The following GRM8 variants were observed in gnomAD, a reference collection of about 807,000 sequenced individuals.
GRM8 encodes the protein metabotropic glutamate receptor 8.
GRM8 carries 47 observed loss-of-function variants against 87.2 expected under a neutral mutation model. That is an observed-to-expected ratio of 0.54 (90% CI 0.43 to 0.69). The LOEUF (loss-of-function observed/expected upper bound fraction) is 0.69, where lower values mean the gene tolerates loss of function less well. GRM8 is among the 30% of genes least tolerant of loss of function. GRM8 has a pLI of 0.00. For missense variants in GRM8, 1,019 were observed against 1,139.2 expected (o/e 0.89, Z 1.52); for synonymous variants, 396 against 404.5 (o/e 0.98, Z 0.25).
chr7:126,822,455 T>TCCTTCCTTC (rs1794380112), intron 6 of GRM8, among the ~76,000 whole-genome samples: 1 of 151,946 alleles, frequency 6.6e-6, no homozygotes, highest in African/African-American at 2.4e-5. Flanking sequence ...TTCCTTCCTT[T>TCCTTCCTTC]CCTTCCTTCC....
intron 3 of GRM8, among the ~76,000 whole-genome samples, chr7:127,012,642 G>A (rs1815011757): frequency 6.6e-6 from 1 of 152,032 alleles, no homozygotes; most frequent in African/African-American, 2.4e-5. Context: ...ATGGTCTTGG[G>A]TTGCTGGCTT....
chr7:127,106,369 G>A, intron 3 of GRM8, 127 bp downstream of exon 3: 1 of 706,518 alleles, frequency 1.4e-6, no homozygotes, highest in East Asian at 2.7e-5. Context: ...CCTCTAGAGT[G>A]GACAGCCTAG....
chr7:127,213,878 T>G (rs1442530004), intron 2 of GRM8, among the ~76,000 whole-genome samples: 1 of 152,204 alleles, frequency 6.6e-6, no homozygotes, highest in Non-Finnish European at 1.5e-5. Context: ...ACATGCATAC[T>G]CTGTCACCAG....
chr7:126,578,656 G>A (rs1244013357), intron 8 of GRM8, among the ~76,000 whole-genome samples: 1 of 152,126 alleles, frequency 6.6e-6, no homozygotes, highest in Admixed American at 6.5e-5. Context: ...AGGATGAGGG[G>A]CTCCAGTTAC....
At chr7:127,023,859 T>C (rs1200537371) in intron 3 of GRM8, among the ~76,000 whole-genome samples, 1 of 152,096 alleles carries the variant, frequency 6.6e-6, no homozygotes, top group South Asian at 2.1e-4. Flanking sequence ...GAACCCACTA[T>C]GTAACACAAA....
chr7:126,879,798 T>C (rs1247994700), intron 6 of GRM8, among the ~76,000 whole-genome samples: 4 of 152,224 alleles, frequency 2.6e-5, no homozygotes, highest in Admixed American at 2.0e-4. Flanking sequence ...GGGCGAGTAT[T>C]ATACTACCAT....
chr7:126,826,803 C>T lies in GRM8; in HGVS notation c.1157-56738G>A, dbSNP rs572959955. On this transcript the variant is annotated intron_variant, in intron 6 of 10. Coordinates refer to ENST00000339582, the MANE Select transcript of GRM8 (RefSeq NM_000845.3). ...TGAAGTCCTTGCCCATGCCTATGTCCTGAATGGTAATGCCTAGGTTTTCTT... is the reference window on the plus strand; with the variant it reads ...TGAAGTCCTTGCCCATGCCTATGTCTTGAATGGTAATGCCTAGGTTTTCTT... Among the ~76,000 whole-genome samples, 67 of 152,224 alleles carry T rather than the reference C, an allele frequency of 4.4e-4. 1 individual carries two copies. The highest frequency in any genetic ancestry group is 1.5e-3 in the African/African-American group (61 of 41,546).
intron 8 of GRM8, among the ~76,000 whole-genome samples, chr7:126,535,040 AAAGGGAGATG>A (rs2150867712): frequency 6.6e-6 from 1 of 152,288 alleles, no homozygotes. Flanking sequence ...GAGGCACAGC[AAAGGGAGATG>A]AAGGAATGTT....
Position 126,969,431 on chromosome 7 carries a change from T to G in GRM8, c.728-64748A>C, listed in dbSNP as rs139052176. Reference sequence around the variant, plus strand: ...TCTAAATCCTTTGTTATTTCAACAATGTTCACAGCATCTTCACCAGGAGTA... The same window carrying G: ...TCTAAATCCTTTGTTATTTCAACAAGGTTCACAGCATCTTCACCAGGAGTA... On this transcript the variant is annotated intron_variant, in intron 3 of 10. Transcript: ENST00000339582. Among the ~76,000 whole-genome samples the G allele has an allele frequency of 8.5e-5, 13 of 152,326 alleles. No individual in the cohort carries two copies. The East Asian group carries it at 2.3e-3, about 27-fold the overall frequency.
At chr7:126,624,786 C>A (rs1469507747) in intron 7 of GRM8, among the ~76,000 whole-genome samples, 2 of 152,196 alleles carry the variant, frequency 1.3e-5, no homozygotes, top group Non-Finnish European at 2.9e-5. Flanking sequence ...GGCATTAAAA[C>A]CCCCTAAGTG....
chr7:127,155,205 C>T (rs933291713), intron 2 of GRM8, among the ~76,000 whole-genome samples: 1 of 152,108 alleles, frequency 6.6e-6, no homozygotes, highest in Admixed American at 6.6e-5. Flanking sequence ...ATGCCCACCC[C>T]ACACTTACTC....
At position 127,190,984 on chromosome 7, in the gene GRM8, C is replaced by T. The variant is rs561440674; in HGVS notation, c.510+51711G>A. 3.3e-5 allele frequency among the ~76,000 whole-genome samples: 5 copies of T among 152,236 alleles called. No individual in the cohort carries two copies. In the South Asian group the frequency reaches 6.2e-4, roughly 19 times the overall value. ...TTTATGTAAGTCTATGACAACAGTACATTTTTCCAATTTTTACAGAGGAGA... is the reference window on the plus strand; with the variant it reads ...TTTATGTAAGTCTATGACAACAGTATATTTTTCCAATTTTTACAGAGGAGA... On this transcript the variant is annotated intron_variant, in intron 2 of 10. Transcript: ENST00000339582.
intron 6 of GRM8, among the ~76,000 whole-genome samples, chr7:126,870,726 A>G (rs1241082194): frequency 3.3e-5 from 5 of 152,232 alleles, no homozygotes; most frequent in African/African-American, 9.6e-5. Context: ...TCCTGAAAAC[A>G]GATCACTGTA....
intron 6 of GRM8, among the ~76,000 whole-genome samples, chr7:126,855,660 G>C (rs1351918332): frequency 6.6e-6 from 1 of 151,930 alleles, no homozygotes; most frequent in Non-Finnish European, 1.5e-5. Flanking sequence ...ATTTTTAGTA[G>C]ATATTGGGTT....
intron 8 of GRM8, among the ~76,000 whole-genome samples, chr7:126,572,071 A>G (rs1210675793): frequency 1.1e-4 from 16 of 152,146 alleles, no homozygotes; most frequent in Admixed American, 1.0e-3. Flanking sequence ...GTACCACCAC[A>G]TAGCAGGAGA....
intron 2 of GRM8, among the ~76,000 whole-genome samples, chr7:127,122,314 TTA>T (rs1563527760): frequency 6.6e-6 from 1 of 152,194 alleles, no homozygotes; most frequent in Non-Finnish European, 1.5e-5. Context: ...TTTTCTTTTT[TTA>T]TGAGTAGCTG....
chr7:126,457,832 G>A (rs1803427082), intron 9 of GRM8, among the ~76,000 whole-genome samples: 1 of 148,572 alleles, frequency 6.7e-6, no homozygotes, highest in African/African-American at 2.5e-5. Flanking sequence ...GTAACATAAA[G>A]AAAATCAACA....
rs1001148728 is a variant in GRM8, at chr7:126,506,495, G to T, written c.2430+26457C>A. Among the ~76,000 whole-genome samples the T allele has an allele frequency of 2.6e-5, 4 of 151,952 alleles. No homozygotes were observed. The East Asian group carries it at 7.8e-4, about 30-fold the overall frequency. ...TCTGAAAATTATACTCATCATTTAA[G>T]CCTCAATAATTTATTCAATAAACAT... On this transcript the variant is annotated intron_variant, in intron 9 of 10. Coordinates refer to ENST00000339582, the MANE Select transcript of GRM8 (RefSeq NM_000845.3).
At chr7:126,860,959 A>G (rs1250032359) in intron 6 of GRM8, among the ~76,000 whole-genome samples, 2 of 152,176 alleles carry the variant, frequency 1.3e-5, no homozygotes, top group Admixed American at 6.5e-5. Context: ...TATGGTGAAC[A>G]TATTAAAATT....
Sources: allele counts gnomAD v4.1 joint callset (sites outside exome capture counted in the v4.1 genomes callset), GRCh38; gene constraint gnomAD v4.1.1; transcripts MANE v1.5; gene names NCBI Gene and HGNC (gene_info 2026-07-23, HGNC 2026-07-21).